Variants in TENM3 observed in about 807,000 individuals in gnomAD.
The protein encoded by TENM3 is teneurin transmembrane protein 3, also known as teneurin-3.
A neutral mutation model predicts 255.1 loss-of-function variants in TENM3; 63 were observed. The observed-to-expected ratio is 0.25, with a 90% confidence interval of 0.20 to 0.30. The LOEUF is 0.30. Among genes scored for constraint, TENM3 ranks in the 10% least tolerant of loss-of-function variants. The probability of loss-of-function intolerance (pLI) is 1.00; values close to 1 mark genes in which losing one functional copy is unlikely to be tolerated. For synonymous variants in TENM3, 1,306 were observed against 1,322.3 expected, an observed-to-expected ratio of 0.99 and a Z score of 0.27; for missense variants, 2,929 against 3,461.1, an observed-to-expected ratio of 0.85 and a Z score of 3.86.
the TENM3 span, among the ~76,000 whole-genome samples, chr4:181,944,462 A>C: frequency 6.6e-6 from 1 of 152,088 alleles, no homozygotes; most frequent in Non-Finnish European, 1.5e-5. Flanking sequence ...AGTCCCCTCC[A>C]TTCAAATGCC....
intron 1 of TENM3, among the ~76,000 whole-genome samples, chr4:182,274,309 C>G (rs184244015): frequency 6.6e-6 from 1 of 152,118 alleles, no homozygotes; most frequent in African/African-American, 2.4e-5. Context: ...AGGGCAAGGA[C>G]GGAGAGGCCT....
At chr4:181,743,642 G>A in the TENM3 span, among the ~76,000 whole-genome samples, 2 of 152,012 alleles carry the variant, frequency 1.3e-5, no homozygotes, top group Admixed American at 6.6e-5. Flanking sequence ...CAGGAGTGTG[G>A]GCACCAGGGC....
intron 1 of TENM3, among the ~76,000 whole-genome samples, chr4:182,321,379 A>G (rs1408305892): frequency 6.6e-6 from 1 of 152,142 alleles, no homozygotes; most frequent in African/African-American, 2.4e-5. Flanking sequence ...TAATCCCAGC[A>G]CTTTGAGAGG....
chr4:181,460,553 A>G, the TENM3 span, among the ~76,000 whole-genome samples: 1 of 151,248 alleles, frequency 6.6e-6, no homozygotes, highest in South Asian at 2.1e-4. Context: ...CTCCTAATTT[A>G]CTATATTTTG....
rs114430333 is a variant in TENM3, at chr4:182,424,388, C to A, written c.511+77459C>A. Among the ~76,000 whole-genome samples, 590 of 152,218 alleles carry A rather than the reference C, an allele frequency of 3.9e-3. 3 individuals carry two copies. Among genetic ancestry groups the A allele is most frequent in the African/African-American group, 0.013 (534 of 41,550 alleles). On this transcript the variant is annotated intron_variant, in intron 3 of 27. Transcript: ENST00000511685. ...GATTTGAGTCTTTCAGTTAAAGTCACTCTTTCTAGCATTTACCCCTTAGAA... is the reference window on the plus strand; with the variant it reads ...GATTTGAGTCTTTCAGTTAAAGTCAATCTTTCTAGCATTTACCCCTTAGAA...
intron 4 of TENM3, among the ~76,000 whole-genome samples, chr4:182,611,009 ATTG>A (rs1748949356): frequency 6.6e-6 from 1 of 151,626 alleles, no homozygotes; most frequent in Non-Finnish European, 1.5e-5. Flanking sequence ...AGCCTCCCAA[ATTG>A]TTGTGATTAT....
the TENM3 span, among the ~76,000 whole-genome samples, chr4:182,091,737 C>A: frequency 6.6e-6 from 1 of 152,102 alleles, no homozygotes; most frequent in African/African-American, 2.4e-5. Context: ...TTTGCCTTCT[C>A]CCTGCCTTCT....
the TENM3 span, among the ~76,000 whole-genome samples, chr4:181,532,553 C>G: frequency 1.3e-4 from 20 of 152,116 alleles, no homozygotes; most frequent in African/African-American, 4.6e-4. Flanking sequence ...CTGGAGGGAA[C>G]AGGTTCTGGT....
chr4:182,455,314 A>C (rs535052996), intron 3 of TENM3, among the ~76,000 whole-genome samples: 2 of 152,050 alleles, frequency 1.3e-5, no homozygotes, highest in Non-Finnish European at 2.9e-5. Context: ...AGTTCTCCTT[A>C]GACTAAGCTT....
At position 182,688,001 on chromosome 4, in the gene TENM3, G is replaced by A. The variant is rs564517220; in HGVS notation, c.2036-165G>A. ...TTCCACCATTGATCATTTCCTAGTA[G>A]TCAGTGCTGAAATTTACGTAGCATA... On this transcript the variant is annotated intron_variant, in intron 11 of 27. Transcript: ENST00000511685. Among the ~76,000 whole-genome samples the A allele has an allele frequency of 2.6e-5, 4 of 152,268 alleles. No individual in the cohort carries two copies. The East Asian group carries it at 7.7e-4, about 29-fold the overall frequency.
chr4:181,539,835 A>G, the TENM3 span, among the ~76,000 whole-genome samples: 1 of 152,240 alleles, frequency 6.6e-6, no homozygotes, highest in African/African-American at 2.4e-5. Flanking sequence ...TAGCTGACCT[A>G]TAAAAATGTT....
the TENM3 span, among the ~76,000 whole-genome samples, chr4:182,020,254 T>A: frequency 2.0e-5 from 3 of 151,788 alleles, no homozygotes; most frequent in Non-Finnish European, 4.4e-5. Flanking sequence ...TAATCTCAGC[T>A]ACTTGGGAGG....
At chr4:181,547,326 TC>T in the TENM3 span, among the ~76,000 whole-genome samples, 4 of 152,010 alleles carry the variant, frequency 2.6e-5, no homozygotes, top group African/African-American at 7.2e-5. Flanking sequence ...GTTGAAGAAA[TC>T]TCACAGAAAA....
chr4:181,607,154 T>C, the TENM3 span, among the ~76,000 whole-genome samples: 4 of 152,218 alleles, frequency 2.6e-5, no homozygotes, highest in Non-Finnish European at 5.9e-5. Flanking sequence ...GCCCTTATCC[T>C]GCCTGCTTTG....
chr4:181,917,674 T>C, the TENM3 span, among the ~76,000 whole-genome samples: 1 of 150,118 alleles, frequency 6.7e-6, no homozygotes, highest in Non-Finnish European at 1.5e-5. Flanking sequence ...TTTTTTTTTT[T>C]TTTTTGAGAC....
At chr4:182,192,103 T>C (rs901665306) in intron 1 of TENM3, among the ~76,000 whole-genome samples, 3 of 152,064 alleles carry the variant, frequency 2.0e-5, no homozygotes, top group Admixed American at 6.6e-5. Context: ...TACGGGAAAA[T>C]TATATGAAAT....
intron 3 of TENM3, among the ~76,000 whole-genome samples, chr4:182,593,224 A>G (rs1295959312): frequency 2.0e-5 from 3 of 152,188 alleles, no homozygotes; most frequent in Non-Finnish European, 4.4e-5. Context: ...TCCACTTGCT[A>G]TCATTATTAT....
At chr4:181,922,188 A>C in the TENM3 span, among the ~76,000 whole-genome samples, 1 of 152,144 alleles carries the variant, frequency 6.6e-6, no homozygotes, top group Admixed American at 6.5e-5. Flanking sequence ...TATTGGTCTA[A>C]AATTCTCTTT....
chr4:182,237,678 G>A (rs1276098629), intron 1 of TENM3, among the ~76,000 whole-genome samples: 1 of 152,144 alleles, frequency 6.6e-6, no homozygotes, highest in Non-Finnish European at 1.5e-5. Context: ...TGTCGTGGCC[G>A]TATTGTCTGT....
Sources: gnomAD v4.1 joint callset for allele counts (sites outside exome capture counted in the v4.1 genomes callset) on GRCh38, gnomAD v4.1.1 for gene constraint, MANE v1.5 for transcripts, NCBI Gene and HGNC (gene_info 2026-07-23, HGNC 2026-07-21) for gene names.